Variants in GALNT16 observed in about 807,000 individuals in gnomAD.
GALNT16 encodes polypeptide N-acetylgalactosaminyltransferase 16.
GALNT16 carries 40 observed loss-of-function variants against 76.1 expected under a neutral mutation model. The ratio of observed to expected loss-of-function variants is 0.53; its 90% CI spans 0.41 to 0.68. The LOEUF is 0.68. Among genes scored for constraint, GALNT16 ranks in the 30% least tolerant of loss-of-function variants. The probability of loss-of-function intolerance (pLI) is 0.00; values close to 1 mark genes in which losing one functional copy is unlikely to be tolerated. For synonymous variants in GALNT16, 276 were observed against 285.2 expected (o/e 0.97, Z 0.32); for missense variants, 621 against 731.9 (o/e 0.85, Z 1.75).
chr14:69,298,094 C>T (rs922829325), intron 1 of GALNT16, among the ~76,000 whole-genome samples: 1 of 152,220 alleles, frequency 6.6e-6, no homozygotes, highest in East Asian at 1.9e-4. Flanking sequence ...AGTCACTCAG[C>T]TACAAGTTCA....
chr14:69,338,319 T>C (rs1433137750), intron 9 of GALNT16, among the ~76,000 whole-genome samples: 1 of 152,204 alleles, frequency 6.6e-6, no homozygotes, highest in African/African-American at 2.4e-5. Flanking sequence ...GTCTGGGGCT[T>C]TCTAGACAGA....
chr14:69,376,444 TA>T, the GALNT16 span, among the ~76,000 whole-genome samples: 2 of 152,188 alleles, frequency 1.3e-5, no homozygotes, highest in Non-Finnish European at 2.9e-5. Flanking sequence ...TTTACTCATT[TA>T]ATGAGTTAAG....
At chr14:69,320,618 C>T (rs555322892) in intron 1 of GALNT16, 93 bp from the exon 2 acceptor site, 147 of 1,147,954 alleles carry the variant, frequency 1.3e-4, no homozygotes, top group South Asian at 3.0e-4. Flanking sequence ...AATGAGGCCA[C>T]GTGGCTGGCT....
In GALNT16 at chr14:69,265,939, C is replaced by A. The variant is rs181611181; in HGVS notation, c.177+5472C>A. On this transcript the variant is annotated intron_variant, in intron 1 of 14. Coordinates refer to ENST00000448469, the MANE Select transcript of GALNT16 (RefSeq NM_001168368.2). ...TGATGGTGATGACATTCGTTGGAGA[C>A]CTGGATGCTGTGTGTTTTACAGGCT... Among the ~76,000 whole-genome samples, 185 of 152,268 alleles carry A rather than the reference C, an allele frequency of 1.2e-3. 1 individual carries two copies. The highest frequency in any genetic ancestry group is 3.4e-3 in the Middle Eastern group (1 of 294).
intron 14 of GALNT16, chr14:69,348,317 T>C (rs2045593228): frequency 1.8e-6 from 1 of 546,800 alleles, no homozygotes; most frequent in African/African-American, 1.9e-5. Context: ...TGTTAGCTTT[T>C]ACTGACAGTC....
At chr14:69,277,823 A>G (rs1183873859) in intron 1 of GALNT16, among the ~76,000 whole-genome samples, 1 of 152,204 alleles carries the variant, frequency 6.6e-6, no homozygotes, top group African/African-American at 2.4e-5. Context: ...TGGTTGAACT[A>G]GTTTACAGTC....
intron 10 of GALNT16, among the ~76,000 whole-genome samples, 175 bp from the exon 11 acceptor site, chr14:69,339,352 G>A (rs1322555744): frequency 6.6e-5 from 10 of 152,196 alleles, no homozygotes; most frequent in African/African-American, 1.9e-4. Flanking sequence ...CTACAAAGTC[G>A]ATGGGTATTG....
intron 1 of GALNT16, among the ~76,000 whole-genome samples, chr14:69,302,221 A>C (rs1287938653): frequency 6.6e-6 from 1 of 152,224 alleles, no homozygotes; most frequent in Non-Finnish European, 1.5e-5. Context: ...ATTCTTTTTC[A>C]AAATGTAAAT....
chr14:69,354,769 T>A (rs2140210616), downstream of GALNT16: 1 of 152,400 alleles, frequency 6.6e-6, no homozygotes, highest in African/African-American at 2.4e-5. Context: ...ATTATGGGAT[T>A]CTACTTGGGG....
At chr14:69,265,446 G>C (rs1288139418) in intron 1 of GALNT16, among the ~76,000 whole-genome samples, 2 of 152,188 alleles carry the variant, frequency 1.3e-5, no homozygotes, top group Non-Finnish European at 2.9e-5. Flanking sequence ...GAAACCCTTG[G>C]CTCTGGAAAT....
chr14:69,334,833 C>T (rs56238269), intron 9 of GALNT16, among the ~76,000 whole-genome samples: 8 of 152,080 alleles, frequency 5.3e-5, no homozygotes, highest in African/African-American at 1.2e-4. Context: ...CAAACAGCGA[C>T]GTGGAGACGG....
rs1473499047 is a variant in GALNT16 at position 69,352,200 on chromosome 14, A to C, written c.*32A>C. The stretch of plus-strand genomic sequence containing the variant: ...CCCTGGGGCCTCCTGTACCTTTTGC[A>C]TGAGACTTCGGGACCGGAAGGGGGT... On this transcript the variant is annotated 3_prime_UTR_variant, in exon 15 of 15. Transcript: ENST00000448469. The C allele has an allele frequency of 6.4e-7, 1 of 1,567,488 alleles. No homozygotes were observed. Among genetic ancestry groups the C allele is most frequent in the Non-Finnish European group, 8.7e-7 (1 of 1,154,338 alleles).
At chr14:69,380,938 C>T in the GALNT16 span, among the ~76,000 whole-genome samples, 1 of 152,276 alleles carries the variant, frequency 6.6e-6, no homozygotes, top group African/African-American at 2.4e-5. Context: ...ATGTGTTCTT[C>T]CTCCTACATA....
chr14:69,336,721 CA>C (rs2037749714), intron 9 of GALNT16, among the ~76,000 whole-genome samples: 1 of 151,408 alleles, frequency 6.6e-6, no homozygotes, highest in African/African-American at 2.4e-5. Flanking sequence ...TTATTTTTTT[CA>C]TTTTATTTAT....
At chr14:69,330,599 C>G (rs551275976) in intron 6 of GALNT16, among the ~76,000 whole-genome samples, 1 of 152,294 alleles carries the variant, frequency 6.6e-6, no homozygotes, top group Admixed American at 6.5e-5. Flanking sequence ...GTTGATCAGC[C>G]CCATCCCGGG....
intron 1 of GALNT16, among the ~76,000 whole-genome samples, chr14:69,274,433 T>C (rs2044445672): frequency 6.6e-6 from 1 of 152,212 alleles, no homozygotes; most frequent in Non-Finnish European, 1.5e-5. Context: ...TTCTGGGTTT[T>C]CTCATGTGGT....
Position 69,320,850 on chromosome 14 carries a change from G to C in GALNT16, c.317G>C (p.Arg106Pro). 6.2e-7 allele frequency: 1 copy of C among 1,611,038 alleles called. No homozygotes were observed. Among genetic ancestry groups the C allele is most frequent in the Non-Finnish European group, 8.5e-7 (1 of 1,177,770 alleles). Reference protein sequence around the residue: ...SDKLSPDRPIRDTRHYSCPSV... With the variant: ...SDKLSPDRPIPDTRHYSCPSV... ...AAGCTGAGCCCAGACCGGCCCATCC[G>C]GGACACCCGCCATTACAGGTACGGC... Residue 106 changes from arginine (R) to proline (P), a missense_variant, in exon 2 of 15, where the codon CGG (arginine) becomes CCG (proline). Arg to Pro is a moderately radical substitution (Grantham distance 103, BLOSUM62 -2). Coordinates refer to ENST00000448469, the MANE Select transcript of GALNT16 (RefSeq NM_001168368.2).
chr14:69,313,761 G>A (rs1183378911), intron 1 of GALNT16, among the ~76,000 whole-genome samples: 2 of 152,270 alleles, frequency 1.3e-5, no homozygotes, highest in East Asian at 3.8e-4. Flanking sequence ...TGGGACAGAA[G>A]TGTTGCAAGG....
chr14:69,304,165 C>T (rs1055508124), intron 1 of GALNT16, among the ~76,000 whole-genome samples: 1 of 152,120 alleles, frequency 6.6e-6, no homozygotes, highest in African/African-American at 2.4e-5. Flanking sequence ...CTTAAAATGA[C>T]AGGAAAACAC....
Sources: gnomAD v4.1 joint callset for allele counts (sites outside exome capture counted in the v4.1 genomes callset) on GRCh38, gnomAD v4.1.1 for gene constraint, MANE v1.5 for transcripts, NCBI Gene and HGNC (gene_info 2026-07-23, HGNC 2026-07-21) for gene names.